Variants in SMAD5 observed in about 807,000 individuals in gnomAD.
SMAD5 encodes the protein MAD, mothers against decapentaplegic homolog 5.
Under a neutral mutation model 43.1 loss-of-function variants are expected in SMAD5, and 9 were observed. The ratio of observed to expected loss-of-function variants is 0.21; its 90% CI spans 0.13 to 0.36. SMAD5 has a LOEUF of 0.36. SMAD5 is among the 10% of genes least tolerant of loss of function. SMAD5 has a pLI of 1.00. For synonymous variants in SMAD5, 190 were observed against 192.4 expected (o/e 0.99, Z 0.10); for missense variants, 348 against 574.0 (o/e 0.61, Z 4.02).
At position 136,179,223 on chromosome 5, in the gene SMAD5, A is replaced by C. The variant is rs556953977; in HGVS notation, c.*1743A>C. The stretch of plus-strand genomic sequence containing the variant: ...CGAACTCCAAAATATCCATTTAATC[A>C]ATCATGTTTTTGGCTTTGGATAAAG... On this transcript the variant is annotated 3_prime_UTR_variant, in exon 8 of 8. Transcript: ENST00000545279. 41 of 152,718 alleles carry C rather than the reference A, an allele frequency of 2.7e-4. No individual in the cohort carries two copies. The highest frequency in any genetic ancestry group is 9.4e-4 in the African/African-American group (39 of 41,582). 9.5% of individuals were successfully genotyped at this position (152,718 alleles called of 1,614,324 possible). A position where few individuals can be genotyped will look rare whatever the true frequency, so the allele number is the denominator to read the frequency against.
intron 3 of SMAD5, among the ~76,000 whole-genome samples, 193 bp from the exon 4 acceptor site, chr5:136,160,663 A>G (rs1035978533): frequency 6.6e-5 from 10 of 152,178 alleles, no homozygotes; most frequent in Non-Finnish European, 7.4e-5. Flanking sequence ...TATGCAGGCT[A>G]AATGCTTACA....
In SMAD5 at chr5:136,181,574, T is replaced by C. The variant is rs769606489; in HGVS notation, c.*4094T>C. The stretch of plus-strand genomic sequence containing the variant: ...AGCAGCAGCATTTTTCTCATTGATA[T>C]AAGTAAGATTCTTAGGAGCTTTTCT... On this transcript the variant is annotated 3_prime_UTR_variant, in exon 8 of 8. Transcript: ENST00000545279. 6.6e-6 allele frequency: 1 copy of C among 152,170 alleles called. No individual in the cohort carries two copies. The highest frequency in any genetic ancestry group is 2.4e-5 in the African/African-American group (1 of 41,450). 9.4% of individuals were successfully genotyped at this position (152,170 alleles called of 1,614,324 possible). A position where few individuals can be genotyped will look rare whatever the true frequency, so the allele number is the denominator to read the frequency against.
chr5:136,156,649 C>G (rs149552194), intron 3 of SMAD5, among the ~76,000 whole-genome samples: 132 of 152,224 alleles, frequency 8.7e-4, no homozygotes, highest in Non-Finnish European at 1.6e-3. Context: ...GAAGTATAGG[C>G]TGAAAAACTC....
Position 136,172,543 on chromosome 5 carries a change from A to G in SMAD5, c.885A>G (p.Leu295=), listed in dbSNP as rs1321046357. 1.2e-6 allele frequency: 2 copies of G among 1,611,028 alleles called. No homozygotes were observed. Among genetic ancestry groups the G allele is most frequent in the Non-Finnish European group, 1.7e-6 (2 of 1,177,236 alleles). ...EAFHASSTSV[L]VDGFTDPSNN... is the part of the protein sequence containing the mutation. ...TTCATGCATCTTCTACTAGTGTGTT[A>G]GTAGATGGATTCACAGATCCTTCAA... is the stretch of plus-strand genomic sequence containing the variant. Residue 295 remains leucine, a synonymous_variant, in exon 6 of 8, where the codon TTA becomes TTG. Coordinates refer to ENST00000545279, the MANE Select transcript of SMAD5 (RefSeq NM_005903.7).
At chr5:136,155,993 A>G (rs974939674) in intron 3 of SMAD5, among the ~76,000 whole-genome samples, 3 of 152,112 alleles carry the variant, frequency 2.0e-5, no homozygotes, top group Admixed American at 2.0e-4. Context: ...ATGCATGTTT[A>G]TTACCTCACA....
chr5:136,134,520 A>C (rs1752808060), intron 1 of SMAD5: 1 of 152,244 alleles, frequency 6.6e-6, no homozygotes, highest in African/African-American at 2.4e-5. Flanking sequence ...ACATTTATGG[A>C]TCCAAATATC....
At chr5:136,146,027 T>TA (rs1753246532) in intron 1 of SMAD5, among the ~76,000 whole-genome samples, 1 of 152,018 alleles carries the variant, frequency 6.6e-6, no homozygotes, top group South Asian at 2.1e-4. Context: ...CGTAGATAGT[T>TA]ATGGGCACAT....
At chr5:136,145,065 G>A (rs562101083) in intron 1 of SMAD5, among the ~76,000 whole-genome samples, 21 of 151,880 alleles carry the variant, frequency 1.4e-4, no homozygotes, top group African/African-American at 4.8e-4. Flanking sequence ...CATCAGAAAG[G>A]ACTTTGAGAG....
chr5:136,171,520 T>C (rs2149779884), intron 5 of SMAD5, among the ~76,000 whole-genome samples: 1 of 152,340 alleles, frequency 6.6e-6, no homozygotes, highest in Non-Finnish European at 1.5e-5. Flanking sequence ...TAAGGCCTAA[T>C]GCAATTTGCT....
intron 1 of SMAD5, among the ~76,000 whole-genome samples, chr5:136,143,678 G>A (rs528610193): frequency 2.6e-5 from 4 of 151,750 alleles, no homozygotes; most frequent in South Asian, 4.2e-4. Flanking sequence ...TTTCTATCTC[G>A]TATTCAGTAT....
chr5:136,174,828 T>C (rs1476240597), intron 7 of SMAD5, among the ~76,000 whole-genome samples, 196 bp downstream of exon 7: 1 of 152,230 alleles, frequency 6.6e-6, no homozygotes, highest in Non-Finnish European at 1.5e-5. Flanking sequence ...AATCTAGACA[T>C]TATAAAATGC....
chr5:136,165,662 A>ATTTT (rs58156387), intron 5 of SMAD5, among the ~76,000 whole-genome samples: 29 of 65,436 alleles, frequency 4.4e-4, no homozygotes, highest in African/African-American at 1.0e-3. Flanking sequence ...GAATCATACA[A>ATTTT]TTTTTTTTTT....
intron 5 of SMAD5, among the ~76,000 whole-genome samples, chr5:136,171,753 A>G (rs1319291096): frequency 6.6e-6 from 1 of 152,198 alleles, no homozygotes; most frequent in Non-Finnish European, 1.5e-5. Flanking sequence ...TGATGTGGAA[A>G]TGAGTTAAGA....
At chr5:136,136,862 A>AT (rs1484902161) in intron 1 of SMAD5, among the ~76,000 whole-genome samples, 2 of 151,880 alleles carry the variant, frequency 1.3e-5, no homozygotes, top group African/African-American at 4.8e-5. Flanking sequence ...CGTCCAGCTC[A>AT]TTTTTTGAAT....
At chr5:136,166,315 A>C (rs1754010960) in intron 5 of SMAD5, among the ~76,000 whole-genome samples, 1 of 152,080 alleles carries the variant, frequency 6.6e-6, no homozygotes, top group African/African-American at 2.4e-5. Flanking sequence ...CGTTTCTTAA[A>C]ACAATGTGTT....
chr5:136,166,154 T>C (rs1239650122), intron 5 of SMAD5, among the ~76,000 whole-genome samples: 3 of 145,898 alleles, frequency 2.1e-5, no homozygotes, highest in Non-Finnish European at 4.7e-5. Context: ...GGTTGTTCTG[T>C]ATTTTTTTTA....
rs982394522 is a variant in SMAD5, at chr5:136,182,663, C to A, written c.*5183C>A. 4.6e-5 allele frequency: 7 copies of A among 152,600 alleles called. No individual in the cohort carries two copies. Among genetic ancestry groups the A allele is most frequent in the African/African-American group, 1.7e-4 (7 of 41,444 alleles). The allele number at this position is 152,600 out of a possible 1,614,324, so 9.5% of individuals were successfully genotyped here. ...TTTTACTATATTGTGCTTTTGAAAG[C>A]CATAACTCTTAAGAACTTTGTTTTT... On this transcript the variant is annotated 3_prime_UTR_variant, in exon 8 of 8. Coordinates refer to ENST00000545279, the MANE Select transcript of SMAD5 (RefSeq NM_005903.7).
chr5:136,177,288 G>T (rs940348880), intron 7 of SMAD5, 49 bp from the exon 8 acceptor site: 1 of 1,585,780 alleles, frequency 6.3e-7, no homozygotes, highest in African/African-American at 1.3e-5. Flanking sequence ...GTTTAGAGTG[G>T]TTGACAGTTT....
intron 7 of SMAD5, 38 bp from the exon 8 acceptor site, chr5:136,177,299 A>C (rs1754455086): frequency 6.2e-7 from 1 of 1,607,140 alleles, no homozygotes; most frequent in Admixed American, 1.7e-5. Flanking sequence ...TTGACAGTTT[A>C]AAGAGGGATT....
Sources: gnomAD v4.1 joint callset for allele counts (sites outside exome capture counted in the v4.1 genomes callset) on GRCh38, gnomAD v4.1.1 for gene constraint, MANE v1.5 for transcripts, NCBI Gene and HGNC (gene_info 2026-07-23, HGNC 2026-07-21) for gene names.